FSD1L: variants seen among roughly 807,000 people sequenced by gnomAD.
FSD1L encodes the protein fibronectin type III and SPRY domain containing 1 like, also known as FSD1-like protein.
In FSD1L, 45 loss-of-function variants were observed where a neutral mutation model predicts 71.6. The ratio of observed to expected loss-of-function variants is 0.63; its 90% CI spans 0.49 to 0.81. The LOEUF is 0.81. Ranked by LOEUF, FSD1L falls within the 30% of genes least tolerant of loss-of-function variation. The probability of loss-of-function intolerance (pLI) is 0.00; values close to 1 mark genes in which losing one functional copy is unlikely to be tolerated. For synonymous variants in FSD1L, 197 were observed against 207.2 expected (o/e 0.95, Z 0.42); for missense variants, 561 against 618.1 (o/e 0.91, Z 0.98).
chr9:105,450,866 G>A (rs1177443940), intron 1 of FSD1L, among the ~76,000 whole-genome samples: 2 of 152,104 alleles, frequency 1.3e-5, no homozygotes, highest in African/African-American at 4.8e-5. Flanking sequence ...CCACTAAACA[G>A]TGCCTAGCAT....
chr9:105,500,462 G>A (rs12115847), intron 7 of FSD1L, among the ~76,000 whole-genome samples: 41,294 of 152,106 alleles, frequency 0.27, 5,838 homozygotes, highest in Non-Finnish European at 0.31. Flanking sequence ...TTGCCCACAT[G>A]GAGTAGCTCA....
intron 1 of FSD1L, among the ~76,000 whole-genome samples, chr9:105,453,049 T>G (rs1438650711): frequency 1.7e-4 from 26 of 148,648 alleles, no homozygotes; most frequent in Non-Finnish European, 3.0e-4. Context: ...AAGTTGTTTT[T>G]TTTTTTTTTT....
intron 10 of FSD1L, chr9:105,520,834 T>G: frequency 1.2e-6 from 2 of 1,612,126 alleles, no homozygotes; most frequent in Non-Finnish European, 1.7e-6. Flanking sequence ...ACTCCTCTTG[T>G]CCCCCCACAA....
chr9:105,469,436 T>TG (rs1831293683), intron 4 of FSD1L, among the ~76,000 whole-genome samples: 1 of 148,032 alleles, frequency 6.8e-6, no homozygotes, highest in East Asian at 2.0e-4. Context: ...TTTTATTTTC[T>TG]GGTTTTTTTT....
chr9:105,544,197 T>C (rs1836823863), intron 13 of FSD1L, among the ~76,000 whole-genome samples: 1 of 152,270 alleles, frequency 6.6e-6, no homozygotes, highest in South Asian at 2.1e-4. Flanking sequence ...TGATGAGCAT[T>C]TTTTCATGTG....
At chr9:105,504,874 G>A (rs1016622028) in intron 7 of FSD1L, among the ~76,000 whole-genome samples, 12 of 152,104 alleles carry the variant, frequency 7.9e-5, no homozygotes, top group African/African-American at 2.9e-4. Flanking sequence ...ACTTTGCTTT[G>A]TTTTTTAGAA....
intron 7 of FSD1L, among the ~76,000 whole-genome samples, chr9:105,498,190 TTTATTATTATTA>T (rs61620098): frequency 1.3e-4 from 18 of 143,418 alleles, no homozygotes; most frequent in African/African-American, 2.8e-4. Flanking sequence ...TTGCTTTGGC[TTTATTATTATTA>T]TTATTATTAT....
At chr9:105,458,255 T>C (rs1325347800) in intron 1 of FSD1L, among the ~76,000 whole-genome samples, 1 of 152,158 alleles carries the variant, frequency 6.6e-6, no homozygotes, top group East Asian at 1.9e-4. Flanking sequence ...GTGTTGCTAC[T>C]CTTCACTCCT....
intron 10 of FSD1L, chr9:105,520,155 G>C: frequency 6.2e-7 from 1 of 1,609,554 alleles, no homozygotes; most frequent in Admixed American, 1.7e-5. Flanking sequence ...GCACGGGGAC[G>C]TGAAGAAGTC....
intron 10 of FSD1L, chr9:105,523,437 A>G: frequency 6.2e-7 from 1 of 1,605,736 alleles, no homozygotes; most frequent in South Asian, 1.1e-5. Flanking sequence ...TGATGTTGCT[A>G]CTGTAATGTG....
At chr9:105,501,152 C>T (rs907418405) in intron 7 of FSD1L, among the ~76,000 whole-genome samples, 2 of 152,102 alleles carry the variant, frequency 1.3e-5, no homozygotes, top group Non-Finnish European at 2.9e-5. Context: ...TATTTTTGCA[C>T]ACATTCAAGG....
intron 3 of FSD1L, among the ~76,000 whole-genome samples, chr9:105,464,578 C>T (rs1465189208): frequency 6.6e-6 from 1 of 152,166 alleles, no homozygotes; most frequent in Non-Finnish European, 1.5e-5. Flanking sequence ...TCACTTTAGT[C>T]CTTTTCCATT....
intron 7 of FSD1L, among the ~76,000 whole-genome samples, chr9:105,500,381 C>G (rs1273106779): frequency 2.0e-5 from 3 of 152,292 alleles, no homozygotes; most frequent in African/African-American, 7.2e-5. Context: ...GTTTTCCCCA[C>G]TCCTTATTCC....
chr9:105,462,915 A>T (rs937199180), intron 2 of FSD1L, among the ~76,000 whole-genome samples: 1 of 149,864 alleles, frequency 6.7e-6, no homozygotes, highest in Non-Finnish European at 1.5e-5. Flanking sequence ...AGGCAGGTGG[A>T]TCTCCTGAGG....
At chr9:105,442,265 G>A in the FSD1L span, among the ~76,000 whole-genome samples, 1 of 152,216 alleles carries the variant, frequency 6.6e-6, no homozygotes, top group African/African-American at 2.4e-5. Flanking sequence ...ACGGTGGGGA[G>A]AGGAGATTCA....
intron 10 of FSD1L, among the ~76,000 whole-genome samples, chr9:105,529,926 T>G (rs1004333440): frequency 1.2e-4 from 19 of 152,302 alleles, no homozygotes; most frequent in Admixed American, 5.2e-4. Context: ...TGTATGGTTG[T>G]TAGACTTGCA....
At chr9:105,541,831 C>T (rs1219648006) in intron 13 of FSD1L, among the ~76,000 whole-genome samples, 4 of 152,136 alleles carry the variant, frequency 2.6e-5, no homozygotes, top group Non-Finnish European at 5.9e-5. Context: ...GTAACCAGTT[C>T]GTAGGCCCTA....
intron 1 of FSD1L, among the ~76,000 whole-genome samples, chr9:105,460,815 A>G (rs984717639): frequency 6.6e-6 from 1 of 152,120 alleles, no homozygotes; most frequent in African/African-American, 2.4e-5. Context: ...CTAACCCAAA[A>G]CATGAGTGAA....
chr9:105,451,064 A>C (rs568215625), intron 1 of FSD1L, among the ~76,000 whole-genome samples: 1 of 151,892 alleles, frequency 6.6e-6, no homozygotes, highest in East Asian at 1.9e-4. Context: ...GGTTCACGCC[A>C]TTCTCCTGCC....
Sources: allele counts gnomAD v4.1 joint callset (sites outside exome capture counted in the v4.1 genomes callset), GRCh38; gene constraint gnomAD v4.1.1; transcripts MANE v1.5; gene names NCBI Gene and HGNC (gene_info 2026-07-23, HGNC 2026-07-21).